The following ADAP2 variants were observed in gnomAD, a reference collection of about 807,000 sequenced individuals.
ADAP2 encodes ArfGAP with dual PH domains 2.
In ADAP2, 42 loss-of-function variants were observed where a neutral mutation model predicts 54.9. The observed-to-expected ratio is 0.77, with a 90% CI of 0.60 to 0.99. ADAP2 has a LOEUF of 0.99. Among genes scored for constraint, ADAP2 ranks in the 50% least tolerant of loss-of-function variants. The probability of loss-of-function intolerance (pLI) is 0.00; values close to 1 mark genes in which losing one functional copy is unlikely to be tolerated. For missense variants in ADAP2, 429 were observed against 480.4 expected (o/e 0.89, Z 1.00); for synonymous variants, 177 against 180.1 (o/e 0.98, Z 0.14).
intron 8 of ADAP2, 92 bp downstream of exon 8, chr17:30,953,442 A>G: frequency 7.1e-7 from 1 of 1,400,862 alleles, no homozygotes; most frequent in Admixed American, 2.0e-5. Context: ...GAGGACAGTG[A>G]AAGGTGTTAG....
In ADAP2 at chr17:30,927,653, G is replaced by A. The variant is rs552680561; in HGVS notation, c.317+735G>A. ...AATAAAAGATAGAAATATGTCTAGG[G>A]CTCTGCCACCTAAGCTCGGGCTGGC... is the stretch of plus-strand genomic sequence containing the variant. On this transcript the variant is annotated intron_variant, in intron 3 of 10. Coordinates refer to ENST00000330889, the MANE Select transcript of ADAP2 (RefSeq NM_018404.3). Among the ~76,000 whole-genome samples the A allele has an allele frequency of 7.9e-5, 12 of 151,898 alleles. No individual in the cohort carries two copies. The South Asian group carries it at 1.5e-3, about 18-fold the overall frequency.
intron 2 of ADAP2, among the ~76,000 whole-genome samples, chr17:30,924,864 T>C (rs1201130992): frequency 6.6e-6 from 1 of 151,124 alleles, no homozygotes; most frequent in Non-Finnish European, 1.5e-5. Flanking sequence ...ATTTTCTTTT[T>C]TGTTTTTTTT....
intron 1 of ADAP2, among the ~76,000 whole-genome samples, chr17:30,922,347 A>T (rs1405380238): frequency 1.3e-5 from 2 of 151,724 alleles, no homozygotes; most frequent in African/African-American, 4.8e-5. Context: ...GCGGGACCAG[A>T]TGCGCATCTT....
rs201900844 is a variant in ADAP2, at chr17:30,949,387, C to A, written c.741+17C>A. ...GAGTCTGAGGTGAGCTAAATGCGGA[C>A]CCCAATTTCTGAATCTCCTCTTGGC... On this transcript the variant is annotated intron_variant, in intron 7 of 10. Coordinates refer to ENST00000330889, the MANE Select transcript of ADAP2 (RefSeq NM_018404.3). 6 of 1,608,294 alleles carry A rather than the reference C, an allele frequency of 3.7e-6. No homozygotes were observed. In the East Asian group the frequency reaches 8.9e-5, roughly 24 times the overall value.
intron 5 of ADAP2, among the ~76,000 whole-genome samples, chr17:30,934,995 T>C (rs1489713588): frequency 2.0e-5 from 3 of 151,786 alleles, no homozygotes; most frequent in East Asian, 3.9e-4. Context: ...CGAGGCTGCA[T>C]TGAGCCGAGA....
chr17:30,938,735 C>A (rs1452069455), intron 5 of ADAP2, among the ~76,000 whole-genome samples: 1 of 152,076 alleles, frequency 6.6e-6, no homozygotes, highest in Non-Finnish European at 1.5e-5. Flanking sequence ...CTTTTCTAGG[C>A]AGACCAGAGC....
At position 30,937,745 on chromosome 17, in the gene ADAP2, G is replaced by GTT. The variant is rs1911992677; in HGVS notation, c.510+3449_510+3450insTT. 3.9e-5 allele frequency among the ~76,000 whole-genome samples: 6 copies of GTT among 152,346 alleles called. No homozygotes were observed. In the South Asian group the frequency reaches 1.2e-3, roughly 32 times the overall value. On this transcript the variant is annotated intron_variant, in intron 5 of 10. Coordinates refer to ENST00000330889, the MANE Select transcript of ADAP2 (RefSeq NM_018404.3). The stretch of plus-strand genomic sequence containing the variant: ...GAAGGATTGGATGTGGGGTGTGAGA[G>GTT]TAAGAGGAATCAAGGATGATTCCCA...
intron 5 of ADAP2, among the ~76,000 whole-genome samples, chr17:30,935,658 G>T (rs566921764): frequency 6.6e-6 from 1 of 152,280 alleles, no homozygotes; most frequent in South Asian, 2.1e-4. Flanking sequence ...CAGCCCCTGG[G>T]CCCCAGTCTC....
chr17:30,954,801 A>G (rs775931806), intron 9 of ADAP2, among the ~76,000 whole-genome samples: 3 of 152,094 alleles, frequency 2.0e-5, no homozygotes, highest in Non-Finnish European at 4.4e-5. Flanking sequence ...GTAGTTAAAT[A>G]TGGTGTATCT....
At chr17:30,929,191 C>CATTGTCAA (rs886884512) in intron 3 of ADAP2, among the ~76,000 whole-genome samples, 1 of 152,248 alleles carries the variant, frequency 6.6e-6, no homozygotes, top group African/African-American at 2.4e-5. Context: ...TGATTGTCAA[C>CATTGTCAA]ATCCTCATCT....
chr17:30,947,432 C>T (rs1481112905), intron 6 of ADAP2, among the ~76,000 whole-genome samples: 1 of 152,084 alleles, frequency 6.6e-6, no homozygotes, highest in Non-Finnish European at 1.5e-5. Flanking sequence ...CGGCTCACTG[C>T]AACCTCCACC....
chr17:30,928,235 C>T (rs1017576872), intron 3 of ADAP2, among the ~76,000 whole-genome samples: 4 of 147,842 alleles, frequency 2.7e-5, no homozygotes, highest in Non-Finnish European at 5.9e-5. Flanking sequence ...GCGGCTCACA[C>T]CTGTAATCCT....
chr17:30,953,215 G>A (rs912813798), intron 7 of ADAP2, 73 bp from the exon 8 acceptor site: 21 of 1,452,872 alleles, frequency 1.4e-5, no homozygotes, highest in Middle Eastern at 1.8e-4. Flanking sequence ...CCCCTTTGTC[G>A]GGAGCCAAGC....
At chr17:30,951,695 G>C (rs1177771440) in intron 7 of ADAP2, among the ~76,000 whole-genome samples, 6 of 128,544 alleles carry the variant, frequency 4.7e-5, no homozygotes, top group Non-Finnish European at 9.4e-5. Flanking sequence ...TCGCTCTTTC[G>C]CCCAGGCCAG....
chr17:30,954,611 C>A, intron 9 of ADAP2, 56 bp downstream of exon 9: 1 of 1,443,704 alleles, frequency 6.9e-7, no homozygotes, highest in Non-Finnish European at 9.7e-7. Flanking sequence ...CTGGGTGGTG[C>A]TTGTCTGGAA....
At chr17:30,936,913 A>G (rs1170764284) in intron 5 of ADAP2, among the ~76,000 whole-genome samples, 1 of 152,082 alleles carries the variant, frequency 6.6e-6, no homozygotes. Flanking sequence ...AAGTGATATT[A>G]TTTGACTTAA....
chr17:30,958,178 GA>G lies in ADAP2; in HGVS notation c.*313del. 1 of 342,058 alleles carries G rather than the reference GA, an allele frequency of 2.9e-6. No homozygotes were observed. Among genetic ancestry groups the G allele is most frequent in the Non-Finnish European group, 5.4e-6 (1 of 185,334 alleles). The allele number at this position is 342,058 out of a possible 1,614,324, so 21.2% of individuals were successfully genotyped here. A position where few individuals can be genotyped will look rare whatever the true frequency, so the allele number is the denominator to read the frequency against. ...ACATCTGAAATGGAGGCATTGCAAT[GA>G]AAAGGCACCCACAGCATCATGCAAG... On this transcript the variant is annotated 3_prime_UTR_variant, in exon 11 of 11. Transcript: ENST00000330889.
chr17:30,949,894 A>C (rs909323657), intron 7 of ADAP2, among the ~76,000 whole-genome samples: 3 of 152,220 alleles, frequency 2.0e-5, no homozygotes, highest in Admixed American at 1.3e-4. Flanking sequence ...ACATACGACA[A>C]GGCGGCCTCC....
chr17:30,953,655 G>A lies in ADAP2; in HGVS notation c.804+305G>A, dbSNP rs181115122. On this transcript the variant is annotated intron_variant, in intron 8 of 10. Coordinates refer to ENST00000330889, the MANE Select transcript of ADAP2 (RefSeq NM_018404.3). The stretch of plus-strand genomic sequence containing the variant: ...AGATTCAAGCGATTCTCCTGCCTCA[G>A]ACTCCTGAGTAGCTGGGATTACAGG... 4.5e-3 allele frequency among the ~76,000 whole-genome samples: 681 copies of A among 152,146 alleles called. 6 individuals are homozygous for A. Among genetic ancestry groups the A allele is most frequent in the African/African-American group, 0.016 (655 of 41,494 alleles).
Sources: allele counts gnomAD v4.1 joint callset (sites outside exome capture counted in the v4.1 genomes callset), GRCh38; gene constraint gnomAD v4.1.1; transcripts MANE v1.5; gene names NCBI Gene and HGNC (gene_info 2026-07-23, HGNC 2026-07-21).